GPC5: variants seen among roughly 807,000 people sequenced by gnomAD.
GPC5 encodes the protein glypican-5.
Under a neutral mutation model 53.9 loss-of-function variants are expected in GPC5, and 47 were observed. That is an observed-to-expected ratio of 0.87 (90% CI 0.69 to 1.11). The LOEUF is 1.11. Among genes scored for constraint, GPC5 ranks in the 50% most tolerant of loss-of-function variants. The probability of loss-of-function intolerance (pLI) is 0.00; values close to 1 mark genes in which losing one functional copy is unlikely to be tolerated. For missense variants in GPC5, 748 were observed against 713.1 expected, an observed-to-expected ratio of 1.05 and a Z score of -0.56; for synonymous variants, 286 against 263.3, an observed-to-expected ratio of 1.09 and a Z score of -0.84.
chr13:91,785,914 C>A (rs2037870189), intron 5 of GPC5, among the ~76,000 whole-genome samples: 1 of 152,166 alleles, frequency 6.6e-6, no homozygotes, highest in African/African-American at 2.4e-5. Flanking sequence ...CACCCTTGCT[C>A]CTCCCCCTGC....
In GPC5 at chr13:91,693,601, A is replaced by G. The variant is rs760430620; in HGVS notation, c.740A>G (p.Glu247Gly). 6.2e-7 allele frequency: 1 copy of G among 1,614,128 alleles called. No individual in the cohort carries two copies. Among genetic ancestry groups the G allele is most frequent in the South Asian group, 1.1e-5 (1 of 91,084 alleles). Reference sequence around the variant, plus strand: ...ACAGACTATCTGCACTTCTCCAAAGAGTGCAGCAGAGCCCTCCTGAAGATG... The same window carrying G: ...ACAGACTATCTGCACTTCTCCAAAGGGTGCAGCAGAGCCCTCCTGAAGATG... ...NTTDYLHFSK[E>G]CSRALLKMQY... is the part of the protein sequence containing the mutation. The change falls in exon 3 of 8, where the codon GAG becomes GGG. Residue 247 changes from glutamate to glycine, a missense_variant. Transcript: ENST00000377067.
chr13:92,244,153 G>C (rs2139119825), intron 7 of GPC5, among the ~76,000 whole-genome samples: 1 of 152,228 alleles, frequency 6.6e-6, no homozygotes, highest in African/African-American at 2.4e-5. Context: ...TTGCGTGTTT[G>C]AACTTCAGGC....
intron 7 of GPC5, among the ~76,000 whole-genome samples, chr13:92,578,503 T>G (rs1276602231): frequency 2.0e-5 from 3 of 152,146 alleles, no homozygotes; most frequent in East Asian, 3.9e-4. Flanking sequence ...ATACACCATC[T>G]GCAGGCAGGA....
chr13:92,381,859 T>TTATATATGATA (rs2043743787), intron 7 of GPC5, among the ~76,000 whole-genome samples: 2 of 135,570 alleles, frequency 1.5e-5, no homozygotes, highest in Non-Finnish European at 3.1e-5. Context: ...TCATATATGA[T>TTATATATGATA]TATATATATC....
intron 2 of GPC5, among the ~76,000 whole-genome samples, chr13:91,484,815 C>T (rs575427563): frequency 3.3e-5 from 5 of 152,274 alleles, no homozygotes; most frequent in Admixed American, 3.3e-4. Context: ...TAATTGAGAA[C>T]CCATCAGTTA....
chr13:92,500,816 C>A (rs896588405), intron 7 of GPC5, among the ~76,000 whole-genome samples: 12 of 152,080 alleles, frequency 7.9e-5, no homozygotes, highest in African/African-American at 2.9e-4. Flanking sequence ...ATGGGTGCAG[C>A]TTAGAGAGAG....
intron 5 of GPC5, among the ~76,000 whole-genome samples, chr13:91,856,887 C>A (rs2038973022): frequency 6.6e-6 from 1 of 150,952 alleles, no homozygotes; most frequent in African/African-American, 2.4e-5. Context: ...ATCTTTATAG[C>A]TTTAGACTAT....
chr13:91,907,850 A>G, intron 5 of GPC5, 87 bp from the exon 6 acceptor site: 1 of 1,402,974 alleles, frequency 7.1e-7, no homozygotes, highest in South Asian at 1.2e-5. Context: ...AAAGGAGGAA[A>G]TTCCGACCTC....
chr13:92,683,139 T>C (rs1305365341), intron 7 of GPC5, among the ~76,000 whole-genome samples: 2 of 151,990 alleles, frequency 1.3e-5, no homozygotes, highest in African/African-American at 2.4e-5. Context: ...GATGGCGCTA[T>C]TCCCAGAAAG....
intron 2 of GPC5, among the ~76,000 whole-genome samples, chr13:91,480,578 C>T (rs1399369789): frequency 6.6e-6 from 1 of 152,192 alleles, no homozygotes; most frequent in Non-Finnish European, 1.5e-5. Flanking sequence ...AAATATTGCA[C>T]ATAGATTTCT....
At chr13:92,592,082 A>G (rs561761374) in intron 7 of GPC5, among the ~76,000 whole-genome samples, 1 of 152,290 alleles carries the variant, frequency 6.6e-6, no homozygotes, top group African/African-American at 2.4e-5. Flanking sequence ...GTTCTCTTCT[A>G]TATCGATTTA....
intron 7 of GPC5, among the ~76,000 whole-genome samples, chr13:92,426,228 A>T (rs1876826437): frequency 6.6e-6 from 1 of 152,048 alleles, no homozygotes; most frequent in Non-Finnish European, 1.5e-5. Flanking sequence ...TCCTATGTGT[A>T]TAGGTGGGAC....
intron 7 of GPC5, among the ~76,000 whole-genome samples, chr13:92,760,781 T>G (rs994357548): frequency 6.6e-6 from 1 of 152,164 alleles, no homozygotes; most frequent in African/African-American, 2.4e-5. Context: ...TCTTAATATA[T>G]TTGTTGCTAT....
intron 7 of GPC5, among the ~76,000 whole-genome samples, chr13:92,505,389 A>G (rs1214884076): frequency 6.6e-6 from 1 of 152,034 alleles, no homozygotes; most frequent in Non-Finnish European, 1.5e-5. Flanking sequence ...ACTAGGAAAA[A>G]GTCAATGAAA....
chr13:92,539,391 G>A (rs1881850151), intron 7 of GPC5, among the ~76,000 whole-genome samples: 1 of 151,956 alleles, frequency 6.6e-6, no homozygotes, highest in Admixed American at 6.6e-5. Context: ...ATCTGATGGT[G>A]GTTTTGATTC....
Position 92,303,677 on chromosome 13 carries a change from G to A in GPC5, c.1561+158688G>A, listed in dbSNP as rs142068508. On this transcript the variant is annotated intron_variant, in intron 7 of 7. Coordinates refer to ENST00000377067, the MANE Select transcript of GPC5 (RefSeq NM_004466.6). ...TGCCCAACACAAACCAAAAGCAGCT[G>A]ATCAGCGAGGATGTGAAGCCTTACC... Among the ~76,000 whole-genome samples, 86 of 152,274 alleles carry A rather than the reference G, an allele frequency of 5.6e-4. 1 individual carries two copies. The South Asian group carries it at 9.9e-3, about 18-fold the overall frequency.
intron 5 of GPC5, among the ~76,000 whole-genome samples, chr13:91,793,004 C>A (rs928302998): frequency 3.9e-5 from 6 of 152,106 alleles, no homozygotes; most frequent in Non-Finnish European, 7.3e-5. Context: ...CCCTTCAAGT[C>A]GTTCCATTGA....
chr13:91,894,220 A>T (rs1329532379), intron 5 of GPC5, among the ~76,000 whole-genome samples: 2 of 152,164 alleles, frequency 1.3e-5, no homozygotes, highest in Non-Finnish European at 2.9e-5. Flanking sequence ...AATTTGTAAA[A>T]CCATCCATTT....
At chr13:91,910,599 A>G (rs2039600953) in intron 6 of GPC5, among the ~76,000 whole-genome samples, 1 of 152,218 alleles carries the variant, frequency 6.6e-6, no homozygotes, top group Non-Finnish European at 1.5e-5. Flanking sequence ...TTGCCTGCAT[A>G]CACTCACCCA....
Sources: gnomAD v4.1 joint callset for allele counts (sites outside exome capture counted in the v4.1 genomes callset) on GRCh38, gnomAD v4.1.1 for gene constraint, MANE v1.5 for transcripts, NCBI Gene and HGNC (gene_info 2026-07-23, HGNC 2026-07-21) for gene names.